CPNE1: variants seen among roughly 807,000 people sequenced by gnomAD.
The protein encoded by CPNE1 is copine 1, also known as copine-1.
CPNE1 carries 58 observed loss-of-function variants against 63.2 expected under a neutral mutation model. The observed-to-expected ratio is 0.92, with a 90% confidence interval of 0.74 to 1.14. CPNE1 has a LOEUF of 1.14. Ranked by LOEUF, CPNE1 falls within the 50% of genes most tolerant of loss-of-function variation. The pLI, the probability that CPNE1 is intolerant of heterozygous loss-of-function variation, is 0.00. For missense variants in CPNE1, 672 were observed against 661.7 expected (o/e 1.02, Z -0.17); for synonymous variants, 237 against 249.0 (o/e 0.95, Z 0.45).
At chr20:35,649,042 T>C (rs1020717200) in intron 1 of CPNE1, 2 of 152,668 alleles carry the variant, frequency 1.3e-5, no homozygotes, top group Non-Finnish European at 2.9e-5. Flanking sequence ...AAGGCAGTAT[T>C]TGCTGGCAAT....
At chr20:35,662,335 A>G (rs1332603260) in intron 1 of CPNE1, among the ~76,000 whole-genome samples, 1 of 152,260 alleles carries the variant, frequency 6.6e-6, no homozygotes, top group Non-Finnish European at 1.5e-5. Context: ...TCTGTTTTTG[A>G]GTCTTAAAAG....
At position 35,630,814 on chromosome 20, in the gene CPNE1, T is replaced by C. The variant is rs755111965; in HGVS notation, c.996-19A>G. ...CTTGTCTCTGTGGGAGGACAGTGTA[T>C]TGGGCAAAAGGCAGTGAGGGGACTG... On this transcript the variant is annotated intron_variant, in intron 11 of 15. Transcript: ENST00000397443. 3.7e-6 allele frequency: 6 copies of C among 1,611,826 alleles called. No homozygotes were observed. The highest frequency in any genetic ancestry group is 1.7e-5 in the Admixed American group (1 of 59,578).
At chr20:35,630,382 C>T in intron 13 of CPNE1, 57 bp downstream of exon 13, 1 of 1,421,854 alleles carries the variant, frequency 7.0e-7, no homozygotes, top group Non-Finnish European at 9.9e-7. Context: ...TTTACTCATG[C>T]AGGCTTGCCC....
intron 5 of CPNE1, 36 bp downstream of exon 5, chr20:35,632,127 A>G (rs568805249): frequency 6.2e-7 from 1 of 1,609,260 alleles, no homozygotes; most frequent in East Asian, 2.2e-5. Flanking sequence ...TTGGCCCCTT[A>G]ACTCTTGGAT....
chr20:35,632,465 G>A (rs2032218650), intron 3 of CPNE1, 52 bp downstream of exon 3: 5 of 1,606,170 alleles, frequency 3.1e-6, no homozygotes, highest in Non-Finnish European at 4.3e-6. Context: ...AGGCAGGCTA[G>A]GTTGTCTCAC....
In CPNE1 at chr20:35,630,759, C is replaced by G. The variant is rs761610196; in HGVS notation, c.1032G>C (p.Gln344His). Residue 344 changes from glutamine (Q) to histidine (H), a missense_variant, in exon 12 of 16, where the codon CAG (glutamine) becomes CAC (histidine). Gln to His is a conservative substitution (Grantham distance 24). Transcript: ENST00000397443. ...AGCTCACCTGCCAGTCAGGGGGAACCTGGGCCCCAAATCCAAATGCAGGGA... is the reference window on the plus strand; with the variant it reads ...AGCTCACCTGCCAGTCAGGGGGAACGTGGGCCCCAAATCCAAATGCAGGGA... ...KLFPAFGFGA[Q>H]VPPDWQVSHE... is the part of the protein sequence containing the mutation. 5 of 1,613,938 alleles carry G rather than the reference C, an allele frequency of 3.1e-6. No homozygotes were observed. Among genetic ancestry groups the G allele is most frequent in the Non-Finnish European group, 4.2e-6 (5 of 1,179,928 alleles).
chr20:35,631,533 C>G lies in CPNE1; in HGVS notation c.673G>C (p.Gly225Arg). 6.2e-7 allele frequency: 1 copy of G among 1,614,030 alleles called. No homozygotes were observed. Residue 225 changes from glycine to arginine, a missense_variant, in exon 8 of 16, where the codon GGT becomes CGT. By Grantham distance (125) the Gly-to-Arg change is moderately radical. Coordinates refer to ENST00000397443, the MANE Select transcript of CPNE1 (RefSeq NM_152925.3). The stretch of plus-strand genomic sequence containing the variant: ...TGGGCCAAGCTGGTGTGGAAGGTAC[C>G]GATGAGATCATGTGACCCGTCACTG... ...YDSDGSHDLI[G>R]TFHTSLAQLQ...
At chr20:35,630,620 G>C (rs1267418083) in intron 12 of CPNE1, 121 bp downstream of exon 12, 4 of 1,461,122 alleles carry the variant, frequency 2.7e-6, no homozygotes, top group African/African-American at 1.4e-5. Flanking sequence ...CGTGCCTGCA[G>C]GAATCCAACC....
intron 1 of CPNE1, chr20:35,653,740 T>C: frequency 6.2e-7 from 1 of 1,614,234 alleles, no homozygotes; most frequent in Non-Finnish European, 8.5e-7. Flanking sequence ...CATTTCCCTC[T>C]GGTCATAGCT....
intron 1 of CPNE1, among the ~76,000 whole-genome samples, chr20:35,659,958 A>G (rs886923120): frequency 6.6e-5 from 10 of 152,234 alleles, no homozygotes; most frequent in Admixed American, 5.9e-4. Flanking sequence ...CTCATCTTAA[A>G]TTAGTATCTT....
At chr20:35,658,257 C>T (rs1262165224) in intron 1 of CPNE1, among the ~76,000 whole-genome samples, 1 of 152,096 alleles carries the variant, frequency 6.6e-6, no homozygotes, top group Non-Finnish European at 1.5e-5. Flanking sequence ...GACCCATTAT[C>T]TATACTTAAA....
In CPNE1 at chr20:35,626,103, C is replaced by T; in HGVS notation, c.*138G>A. On this transcript the variant is annotated 3_prime_UTR_variant, in exon 16 of 16. Coordinates refer to ENST00000397443, the MANE Select transcript of CPNE1 (RefSeq NM_152925.3). ...TCAGGAGCAAAGGTGGGATCAAGAG[C>T]AGCAAAAGCAGAAACAAGTATAAAA... The T allele has an allele frequency of 1.1e-6, 1 of 912,202 alleles. No homozygotes were observed. The highest frequency in any genetic ancestry group is 1.8e-6 in the Non-Finnish European group (1 of 562,234). The allele number at this position is 912,202 out of a possible 1,614,324, so 56.5% of individuals were successfully genotyped here.
At position 35,631,485 on chromosome 20, in the gene CPNE1, C is replaced by T. The variant is rs373290527; in HGVS notation, c.714+7G>A. The T allele has an allele frequency of 6.2e-7, 1 of 1,613,460 alleles. No homozygotes were observed. Among genetic ancestry groups the T allele is most frequent in the Non-Finnish European group, 8.5e-7 (1 of 1,179,602 alleles). The stretch of plus-strand genomic sequence containing the variant: ...ATTTCCACACCCCTGGCAAGACCAG[C>T]ACTCACCGGGACTGCCTGCAGCTGG... On this transcript the variant is annotated splice_region_variant and intron_variant, in intron 8 of 15. Transcript: ENST00000397443.
At chr20:35,630,406 C>A (rs1369101573) in intron 13 of CPNE1, 33 bp downstream of exon 13, 1 of 1,601,522 alleles carries the variant, frequency 6.2e-7, no homozygotes, top group South Asian at 1.1e-5. Flanking sequence ...TTTGTGTGGA[C>A]AGACCTGCCT....
At chr20:35,632,959 C>G in intron 1 of CPNE1, 36 bp from the exon 2 acceptor site, 1 of 850,570 alleles carries the variant, frequency 1.2e-6, no homozygotes, top group South Asian at 1.4e-5. Flanking sequence ...CACCAGGGAG[C>G]CTTCTCTCCC....
intron 1 of CPNE1, among the ~76,000 whole-genome samples, chr20:35,662,052 A>G (rs1568946535): frequency 1.3e-5 from 2 of 152,214 alleles, no homozygotes; most frequent in Non-Finnish European, 2.9e-5. Flanking sequence ...TCCCAAATGG[A>G]CCATATATCA....
chr20:35,650,245 A>T (rs973404623), intron 1 of CPNE1: 1 of 152,268 alleles, frequency 6.6e-6, no homozygotes, highest in African/African-American at 2.4e-5. Flanking sequence ...CGCTCTTTTA[A>T]TTTATTTAAT....
intron 6 of CPNE1, 30 bp from the exon 7 acceptor site, chr20:35,631,807 G>A: frequency 6.3e-7 from 1 of 1,590,074 alleles, no homozygotes; most frequent in Non-Finnish European, 8.6e-7. Context: ...CCTCCAGTGA[G>A]CTCTGGCATG....
chr20:35,662,490 T>C (rs1568946938), intron 1 of CPNE1, among the ~76,000 whole-genome samples: 3 of 152,208 alleles, frequency 2.0e-5, no homozygotes, highest in Non-Finnish European at 4.4e-5. Flanking sequence ...CCATGAACAT[T>C]TACTATTAAG....
Sources: gnomAD v4.1 joint callset for allele counts (sites outside exome capture counted in the v4.1 genomes callset) on GRCh38, gnomAD v4.1.1 for gene constraint, MANE v1.5 for transcripts, NCBI Gene and HGNC (gene_info 2026-07-23, HGNC 2026-07-21) for gene names.